The following ATP9A variants were observed in gnomAD, a reference collection of about 807,000 sequenced individuals.
The protein encoded by ATP9A is ATPase phospholipid transporting 9A, also known as probable phospholipid-transporting ATPase IIA.
Under a neutral mutation model 144.1 loss-of-function variants are expected in ATP9A, and 52 were observed. The ratio of observed to expected loss-of-function variants is 0.36; its 90% CI spans 0.29 to 0.45. ATP9A has a LOEUF of 0.45. Among genes scored for constraint, ATP9A ranks in the 20% least tolerant of loss-of-function variants. The probability of loss-of-function intolerance (pLI) is 1.00; values close to 1 mark genes in which losing one functional copy is unlikely to be tolerated. For synonymous variants in ATP9A, 582 were observed against 557.4 expected (o/e 1.04, Z -0.62); for missense variants, 947 against 1,392.7 (o/e 0.68, Z 5.09).
At position 51,768,288 on chromosome 20, in the gene ATP9A, C is replaced by A. The variant is rs2077914755; in HGVS notation, c.68+14G>T. The A allele has an allele frequency of 7.8e-7, 1 of 1,278,828 alleles. No homozygotes were observed. The highest frequency in any genetic ancestry group is 1.0e-6 in the Non-Finnish European group (1 of 1,004,570). 79.2% of individuals were successfully genotyped at this position (1,278,828 alleles called of 1,614,324 possible). A position where few individuals can be genotyped will look rare whatever the true frequency, so the allele number is the denominator to read the frequency against. On this transcript the variant is annotated intron_variant, in intron 1 of 27. Transcript: ENST00000338821. ...GGCGCGGACAAAGGAAAACACGGGC[C>A]CAGGCCCACTCACCCGGCGCGGGGC...
chr20:51,624,385 C>T (rs1470777100), intron 18 of ATP9A, among the ~76,000 whole-genome samples: 1 of 152,138 alleles, frequency 6.6e-6, no homozygotes, highest in African/African-American at 2.4e-5. Context: ...GTTGTTCACA[C>T]CTCCCTTGGT....
At chr20:51,644,859 T>C (rs564816874) in intron 14 of ATP9A, among the ~76,000 whole-genome samples, 168 of 152,240 alleles carry the variant, frequency 1.1e-3, no homozygotes, top group South Asian at 2.1e-3. Context: ...TGAAAATATG[T>C]GAAAAGTCTG....
chr20:51,620,311 TC>T (rs1343343000), intron 19 of ATP9A, among the ~76,000 whole-genome samples: 7 of 152,164 alleles, frequency 4.6e-5, no homozygotes, highest in Non-Finnish European at 8.8e-5. Flanking sequence ...TAGTTTGCAA[TC>T]CCTGAATTCT....
At position 51,714,213 on chromosome 20, in the gene ATP9A, C is replaced by T. The variant is rs144220599; in HGVS notation, c.328-1139G>A. On this transcript the variant is annotated intron_variant, in intron 3 of 27. Coordinates refer to ENST00000338821, the MANE Select transcript of ATP9A (RefSeq NM_006045.3). The stretch of plus-strand genomic sequence containing the variant: ...TTTTGTTTGTTTTGAGATAGGGTCT[C>T]GCTCTGTCACCCAGGCAGGAGTGCA... Among the ~76,000 whole-genome samples, 1,368 of 151,442 alleles carry T rather than the reference C, an allele frequency of 9.0e-3. 18 individuals carry two copies. The highest frequency in any genetic ancestry group is 0.031 in the African/African-American group (1,295 of 41,286).
chr20:51,671,014 G>A (rs6013248), intron 12 of ATP9A, 101 bp downstream of exon 12: 339,809 of 1,279,360 alleles, frequency 0.27, 47,914 homozygotes, highest in Non-Finnish European at 0.29. Context: ...GCAGCAACAC[G>A]CATCTCTCAT....
At chr20:51,671,676 G>A (rs992400211) in intron 11 of ATP9A, among the ~76,000 whole-genome samples, 6 of 151,970 alleles carry the variant, frequency 3.9e-5, no homozygotes, top group Admixed American at 6.6e-5. Context: ...ATCCACCTCC[G>A]TAATTCTTTC....
chr20:51,663,711 G>A (rs1443683648), intron 13 of ATP9A, among the ~76,000 whole-genome samples: 1 of 150,736 alleles, frequency 6.6e-6, no homozygotes, highest in East Asian at 2.0e-4. Flanking sequence ...AGAGAATGGC[G>A]TGAACCCGGG....
intron 2 of ATP9A, among the ~76,000 whole-genome samples, chr20:51,727,930 CAA>C (rs11286785): frequency 0.075 from 10,033 of 134,040 alleles, 747 homozygotes; most frequent in African/African-American, 0.2. Flanking sequence ...GACTCAGTCT[CAA>C]AAAAAAAAAA....
chr20:51,725,070 G>A (rs1215478833), intron 3 of ATP9A, among the ~76,000 whole-genome samples: 4 of 152,080 alleles, frequency 2.6e-5, no homozygotes, highest in Admixed American at 2.0e-4. Context: ...TGAGTCCCAT[G>A]TTAGTGCTCA....
rs2077454022 is a variant in ATP9A at position 51,671,173 on chromosome 20, G to A, written c.1122C>T (p.Arg374=). The change falls in exon 12 of 28, where the codon CGC becomes CGT. Residue 374 remains arginine (R), a synonymous_variant. Coordinates refer to ENST00000338821, the MANE Select transcript of ATP9A (RefSeq NM_006045.3). ...RDSKIPGTVV[R]SSTIPEQLGR... Reference sequence around the variant, plus strand: ...CCAGCTGCTCAGGAATCGTGCTGGAGCGAACCACGGTCCCGGGGATTTTCG... The same window carrying A: ...CCAGCTGCTCAGGAATCGTGCTGGAACGAACCACGGTCCCGGGGATTTTCG... The A allele has an allele frequency of 6.2e-7, 1 of 1,614,148 alleles. No individual in the cohort carries two copies. Among genetic ancestry groups the A allele is most frequent in the Non-Finnish European group, 8.5e-7 (1 of 1,180,016 alleles).
chr20:51,754,798 AG>A (rs1568848799), intron 1 of ATP9A, among the ~76,000 whole-genome samples: 4 of 151,978 alleles, frequency 2.6e-5, no homozygotes. Context: ...CCTGGGCAAC[AG>A]AGTGAGACAC....
chr20:51,685,051 T>C (rs1206919324), intron 9 of ATP9A, among the ~76,000 whole-genome samples: 2 of 149,148 alleles, frequency 1.3e-5, no homozygotes, highest in African/African-American at 2.4e-5. Context: ...TACAAATAAA[T>C]AGTAAACATA....
At chr20:51,725,430 G>A (rs144636597) in intron 3 of ATP9A, among the ~76,000 whole-genome samples, 1 of 152,224 alleles carries the variant, frequency 6.6e-6, no homozygotes, top group Non-Finnish European at 1.5e-5. Flanking sequence ...CCAGATTTTA[G>A]ACCATTTGAG....
chr20:51,641,411 C>T (rs2077318365), intron 14 of ATP9A, among the ~76,000 whole-genome samples: 1 of 151,868 alleles, frequency 6.6e-6, no homozygotes, highest in African/African-American at 2.4e-5. Flanking sequence ...GTCTCAGTTA[C>T]TCAAGAGGTT....
At chr20:51,736,663 G>A (rs1216374421) in intron 1 of ATP9A, among the ~76,000 whole-genome samples, 1 of 151,996 alleles carries the variant, frequency 6.6e-6, no homozygotes, top group Non-Finnish European at 1.5e-5. Context: ...CCCTCACATT[G>A]TAGTGATAGC....
At chr20:51,640,916 C>T (rs530408350) in intron 14 of ATP9A, among the ~76,000 whole-genome samples, 65 of 152,294 alleles carry the variant, frequency 4.3e-4, no homozygotes, top group Non-Finnish European at 5.6e-4. Context: ...CTCCCCGAGA[C>T]GGCCTAACTT....
At chr20:51,632,288 C>A (rs2077272947) in intron 15 of ATP9A, among the ~76,000 whole-genome samples, 1 of 152,152 alleles carries the variant, frequency 6.6e-6, no homozygotes, top group South Asian at 2.1e-4. Flanking sequence ...GGCAATGATG[C>A]CCAGGCTGGA....
intron 7 of ATP9A, among the ~76,000 whole-genome samples, chr20:51,692,478 G>A (rs1036484970): frequency 4.6e-5 from 7 of 152,264 alleles, no homozygotes; most frequent in South Asian, 2.1e-4. Flanking sequence ...CCACCATCAC[G>A]TGAAGTGGGG....
At chr20:51,610,040 T>G in intron 24 of ATP9A, 61 bp downstream of exon 24, 1 of 1,447,094 alleles carries the variant, frequency 6.9e-7, no homozygotes, top group Non-Finnish European at 9.7e-7. Flanking sequence ...GTTTCTTCTC[T>G]CTGTTGCAGC....
Sources: allele counts gnomAD v4.1 joint callset (sites outside exome capture counted in the v4.1 genomes callset), GRCh38; gene constraint gnomAD v4.1.1; transcripts MANE v1.5; gene names NCBI Gene and HGNC (gene_info 2026-07-23, HGNC 2026-07-21).